The following SMYD2 variants were observed in gnomAD, a reference collection of about 807,000 sequenced individuals.
The protein encoded by SMYD2 is SET and MYND domain containing 2.
A neutral mutation model predicts 59.1 loss-of-function variants in SMYD2; 53 were observed. The ratio of observed to expected loss-of-function variants is 0.90; its 90% CI spans 0.72 to 1.13. SMYD2 has a LOEUF of 1.13. Among genes scored for constraint, SMYD2 ranks in the 50% most tolerant of loss-of-function variants. The pLI is 0.00. For missense variants in SMYD2, 494 were observed against 544.7 expected (o/e 0.91, Z 0.93); for synonymous variants, 208 against 198.8 (o/e 1.05, Z -0.39).
At chr1:214,302,262 C>A (rs2102461375) in intron 1 of SMYD2, among the ~76,000 whole-genome samples, 1 of 151,884 alleles carries the variant, frequency 6.6e-6, no homozygotes, top group East Asian at 1.9e-4. Context: ...TTGCTTAAAC[C>A]CAGGAGGTGG....
At chr1:214,335,211 C>T (rs1042633494) in intron 11 of SMYD2, among the ~76,000 whole-genome samples, 3 of 152,166 alleles carry the variant, frequency 2.0e-5, no homozygotes, top group Non-Finnish European at 4.4e-5. Context: ...AGACTATTTG[C>T]GAAGATGGAA....
At chr1:214,282,559 C>T (rs1341998339) in intron 1 of SMYD2, among the ~76,000 whole-genome samples, 2 of 152,142 alleles carry the variant, frequency 1.3e-5, no homozygotes, top group Non-Finnish European at 2.9e-5. Flanking sequence ...CCTGCAGGGA[C>T]CTTTTGAGTA....
Position 214,318,265 on chromosome 1 carries a change from T to G in SMYD2, c.409+126T>G. On this transcript the variant is annotated intron_variant, in intron 4 of 11. Transcript: ENST00000366957. This position sits in a 1 kb window ranked among gnomAD's most constrained non-coding sequence, Gnocchi z 5.4. ...GTAGTGATTTCTTTGATTACTAGTTTTTATTTTTACTCTTGTGCTGTTTCG... is the reference window on the plus strand; with the variant it reads ...GTAGTGATTTCTTTGATTACTAGTTGTTATTTTTACTCTTGTGCTGTTTCG... The G allele has an allele frequency of 1.2e-6, 1 of 851,770 alleles. No individual in the cohort carries two copies. Among genetic ancestry groups the G allele is most frequent in the Non-Finnish European group, 1.8e-6 (1 of 552,940 alleles). 52.8% of individuals were successfully genotyped at this position (851,770 alleles called of 1,614,324 possible).
chr1:214,285,524 G>A (rs993180579), intron 1 of SMYD2, among the ~76,000 whole-genome samples: 1 of 152,174 alleles, frequency 6.6e-6, no homozygotes, highest in African/African-American at 2.4e-5. Flanking sequence ...TAATAAAGGG[G>A]TTCCCCTTCT....
At chr1:214,315,947 G>A (rs888207617) in intron 3 of SMYD2, among the ~76,000 whole-genome samples, 1 of 152,200 alleles carries the variant, frequency 6.6e-6, no homozygotes, top group African/African-American at 2.4e-5. Context: ...CGTACTGACT[G>A]TTCTCCGCCT....
intron 2 of SMYD2, among the ~76,000 whole-genome samples, chr1:214,313,548 C>A (rs528804056): frequency 6.6e-6 from 1 of 151,640 alleles, no homozygotes; most frequent in East Asian, 1.9e-4. Flanking sequence ...CTTTTCACTA[C>A]TCTAAGCTGT....
In SMYD2 at chr1:214,312,998, G is replaced by T. The variant is rs1311526195; in HGVS notation, c.238-1764G>T. Among the ~76,000 whole-genome samples, 1 of 152,218 alleles carries T rather than the reference G, an allele frequency of 6.6e-6. No individual in the cohort carries two copies. Among genetic ancestry groups the T allele is most frequent in the Non-Finnish European group, 1.5e-5 (1 of 68,044 alleles). On this transcript the variant is annotated intron_variant, in intron 2 of 11. Coordinates refer to ENST00000366957, the MANE Select transcript of SMYD2 (RefSeq NM_020197.3). This position sits in a 1 kb window ranked among gnomAD's most constrained non-coding sequence, Gnocchi z 4.1. ...GTTGGGGCTGCAGCCGGGTAGAAAGGTTGTGGAGCTAAGAAGTGATCAGAT... is the reference window on the plus strand; with the variant it reads ...GTTGGGGCTGCAGCCGGGTAGAAAGTTTGTGGAGCTAAGAAGTGATCAGAT...
intron 8 of SMYD2, 92 bp from the exon 9 acceptor site, chr1:214,330,858 G>C: frequency 6.3e-7 from 1 of 1,576,090 alleles, no homozygotes; most frequent in Non-Finnish European, 8.6e-7. Context: ...AGTGTCGACC[G>C]CTGTGTGGGA....
intron 2 of SMYD2, among the ~76,000 whole-genome samples, chr1:214,311,137 A>G (rs1367399789): frequency 1.3e-5 from 2 of 152,178 alleles, no homozygotes; most frequent in Non-Finnish European, 2.9e-5. Context: ...TGGTTCTGAC[A>G]TTGCCATAAA....
intron 1 of SMYD2, among the ~76,000 whole-genome samples, chr1:214,296,387 T>C (rs1000010084): frequency 6.6e-6 from 1 of 152,220 alleles, no homozygotes; most frequent in African/African-American, 2.4e-5. Context: ...TTTTCTTCCT[T>C]TGTGGATAGA....
In SMYD2 at chr1:214,302,917, C is replaced by T. The variant is rs116104104; in HGVS notation, c.174-2270C>T. 7.1e-3 allele frequency among the ~76,000 whole-genome samples: 1,087 copies of T among 152,260 alleles called. 11 individuals are homozygous for T. Among genetic ancestry groups the T allele is most frequent in the Middle Eastern group, 0.014 (4 of 294 alleles). ...ACCATGATAATTTTCTAATCTCTTA[C>T]ATCAGGGGGTCTTAACGCTGGTGTC... On this transcript the variant is annotated intron_variant, in intron 1 of 11. Coordinates refer to ENST00000366957, the MANE Select transcript of SMYD2 (RefSeq NM_020197.3).
At chr1:214,303,880 G>C (rs909626538) in intron 1 of SMYD2, among the ~76,000 whole-genome samples, 1 of 152,250 alleles carries the variant, frequency 6.6e-6, no homozygotes, top group Non-Finnish European at 1.5e-5. Context: ...TAGCCGCTTC[G>C]TGCTGTCGGT....
chr1:214,310,420 G>A (rs1266827057), intron 2 of SMYD2, among the ~76,000 whole-genome samples: 1 of 151,766 alleles, frequency 6.6e-6, no homozygotes, highest in Non-Finnish European at 1.5e-5. Flanking sequence ...AACAGAACAA[G>A]TATTCATAAT....
In SMYD2 at chr1:214,318,146, C is replaced by G; in HGVS notation, c.409+7C>G. On this transcript the variant is annotated splice_region_variant and intron_variant, in intron 4 of 11. Coordinates refer to ENST00000366957, the MANE Select transcript of SMYD2 (RefSeq NM_020197.3). The surrounding 1 kb of genome is among the most constrained non-coding windows in gnomAD (Gnocchi z 5.4). Reference sequence around the variant, plus strand: ...GTGAAGGAGTTTGAATCACGTAAGTCTTTCTGTGACCAGCCGCGCAGTTCT... The same window carrying G: ...GTGAAGGAGTTTGAATCACGTAAGTGTTTCTGTGACCAGCCGCGCAGTTCT... 6.2e-7 allele frequency: 1 copy of G among 1,613,658 alleles called. No individual in the cohort carries two copies. The highest frequency in any genetic ancestry group is 8.5e-7 in the Non-Finnish European group (1 of 1,179,820).
intron 1 of SMYD2, among the ~76,000 whole-genome samples, chr1:214,290,483 T>C (rs1365002070): frequency 1.3e-5 from 2 of 152,214 alleles, no homozygotes; most frequent in Non-Finnish European, 1.5e-5. Flanking sequence ...CATAAGTGCT[T>C]ATCTTTGGCA....
chr1:214,292,177 C>CTCCAT (rs1656646354), intron 1 of SMYD2, among the ~76,000 whole-genome samples: 1 of 151,920 alleles, frequency 6.6e-6, no homozygotes, highest in Non-Finnish European at 1.5e-5. Flanking sequence ...CCTGATAGAA[C>CTCCAT]TCCATGGTAG....
At chr1:214,324,845 C>T in intron 6 of SMYD2, 137 bp downstream of exon 6, 1 of 740,356 alleles carries the variant, frequency 1.4e-6, no homozygotes, top group South Asian at 1.9e-5. Flanking sequence ...GCTTTTTAAT[C>T]TGCCAGATTT....
chr1:214,293,052 T>C (rs951608261), intron 1 of SMYD2, among the ~76,000 whole-genome samples: 1 of 142,084 alleles, frequency 7.0e-6, no homozygotes, highest in Admixed American at 6.8e-5. Flanking sequence ...TGTGTGTGTG[T>C]GTGTGTGTGT....
At chr1:214,287,200 T>C (rs963765204) in intron 1 of SMYD2, among the ~76,000 whole-genome samples, 2 of 152,066 alleles carry the variant, frequency 1.3e-5, no homozygotes, top group African/African-American at 4.8e-5. Flanking sequence ...TGATAAAATA[T>C]TATAATTTTA....
Sources: gnomAD v4.1 joint callset for allele counts (sites outside exome capture counted in the v4.1 genomes callset) on GRCh38, gnomAD v4.1.1 for gene constraint, Gnocchi (gnomAD v3.1) non-coding constraint, MANE v1.5 for transcripts, NCBI Gene and HGNC (gene_info 2026-07-23, HGNC 2026-07-21) for gene names.